RYR2: variants seen among roughly 807,000 people sequenced by gnomAD.
The protein encoded by RYR2 is ryanodine receptor 2, also known as cardiac muscle ryanodine receptor-calcium release channel.
RYR2 carries 227 observed loss-of-function variants against 601.1 expected under a neutral mutation model. The observed-to-expected ratio is 0.38, with a 90% CI of 0.34 to 0.42. The LOEUF (loss-of-function observed/expected upper bound fraction) is 0.42. Ranked by LOEUF, RYR2 falls within the 10% of genes least tolerant of loss-of-function variation. RYR2 has a pLI of 1.00. For synonymous variants in RYR2, 2,223 were observed against 2,175.1 expected, an observed-to-expected ratio of 1.02 and a Z score of -0.61; for missense variants, 4,646 against 6,156.5, an observed-to-expected ratio of 0.75 and a Z score of 8.21.
At chr1:237,472,779 C>T (rs866104348) in intron 17 of RYR2, among the ~76,000 whole-genome samples, 12 of 151,680 alleles carry the variant, frequency 7.9e-5, no homozygotes, top group Admixed American at 1.3e-4. Flanking sequence ...TGTCTTTGCA[C>T]GCATAGGCTG....
At chr1:237,481,334 C>T (rs1662070049) in intron 17 of RYR2, among the ~76,000 whole-genome samples, 1 of 151,974 alleles carries the variant, frequency 6.6e-6, no homozygotes, top group Admixed American at 6.6e-5. Flanking sequence ...TATATTGAGA[C>T]TCAAATGATT....
intron 16 of RYR2, among the ~76,000 whole-genome samples, chr1:237,459,145 C>T (rs1200436019): frequency 1.3e-5 from 2 of 152,224 alleles, no homozygotes; most frequent in Admixed American, 1.3e-4. Flanking sequence ...CATAATATAG[C>T]AGAGACTAAA....
rs531376148 is a variant in RYR2, at chr1:237,792,421, G to A, written c.13782+98G>A. On this transcript the variant is annotated intron_variant, in intron 94 of 104. Transcript: ENST00000366574. ...TGCGTGTGTGTGTGTGTGTGTGTGT[G>A]TGTTTTGCAGGCTGGACTTCTGGGG... The A allele has an allele frequency of 6.1e-4, 461 of 750,138 alleles. 1 individual carries two copies. The African/African-American group carries it at 7.4e-3, about 12-fold the overall frequency. 46.5% of individuals were successfully genotyped at this position (750,138 alleles called of 1,614,324 possible). A position where few individuals can be genotyped will look rare whatever the true frequency, so the allele number is the denominator to read the frequency against.
chr1:237,266,210 C>T (rs368620699), intron 1 of RYR2, among the ~76,000 whole-genome samples: 11 of 152,250 alleles, frequency 7.2e-5, no homozygotes, highest in East Asian at 3.9e-4. Flanking sequence ...CGGAAGAGGC[C>T]TTATGACCCA....
intron 2 of RYR2, among the ~76,000 whole-genome samples, chr1:237,279,390 A>C (rs1444724721): frequency 1.3e-5 from 2 of 152,238 alleles, no homozygotes; most frequent in Non-Finnish European, 2.9e-5. Flanking sequence ...TACTTAAAAA[A>C]TAATTAATAT....
chr1:237,569,080 G>A, intron 28 of RYR2, 65 bp from the exon 29 acceptor site: 1 of 1,475,854 alleles, frequency 6.8e-7, no homozygotes, highest in East Asian at 2.3e-5. Flanking sequence ...TCGTGACAGA[G>A]TGGTGGGTGG....
chr1:237,193,605 A>C (rs555070466), intron 1 of RYR2, among the ~76,000 whole-genome samples: 5 of 152,220 alleles, frequency 3.3e-5, no homozygotes, highest in Non-Finnish European at 7.4e-5. Flanking sequence ...AGCACTAAGC[A>C]TTGAATACTG....
chr1:237,169,743 G>A (rs551302906), intron 1 of RYR2, among the ~76,000 whole-genome samples: 10 of 152,170 alleles, frequency 6.6e-5, no homozygotes, highest in Admixed American at 1.3e-4. Flanking sequence ...CTTGCTTGGC[G>A]CTCTAGAAAT....
At chr1:237,504,400 C>G (rs1034959776) in intron 22 of RYR2, among the ~76,000 whole-genome samples, 6 of 152,068 alleles carry the variant, frequency 3.9e-5, no homozygotes, top group African/African-American at 1.4e-4. Flanking sequence ...TACAAAGAAC[C>G]TTCTTAAGGG....
At position 237,099,545 on chromosome 1, in the gene RYR2, A is replaced by C. The variant is rs533862570; in HGVS notation, c.48+56976A>C. On this transcript the variant is annotated intron_variant, in intron 1 of 104. Transcript: ENST00000366574. Reference sequence around the variant, plus strand: ...GAGCCACTGTACCCAGCCTCTCAATAGCCTCTTTGACAGCTCTTTGCCATT... The same window carrying C: ...GAGCCACTGTACCCAGCCTCTCAATCGCCTCTTTGACAGCTCTTTGCCATT... Among the ~76,000 whole-genome samples the C allele has an allele frequency of 3.9e-5, 6 of 152,262 alleles. No individual in the cohort carries two copies. In the South Asian group the frequency reaches 1.2e-3, roughly 32 times the overall value.
intron 8 of RYR2, among the ~76,000 whole-genome samples, chr1:237,384,273 T>G: frequency 6.6e-6 from 1 of 152,210 alleles, no homozygotes; most frequent in East Asian, 1.9e-4. Context: ...ATTTGGAAAT[T>G]GCCTTTTTAA....
rs1176291765 is a variant in RYR2, at chr1:237,806,252, T to A, written c.14267T>A (p.Ile4756Asn). Reference protein sequence around the residue: ...IAMGFKTLRTILSSVTHNGKQ... With the variant: ...IAMGFKTLRTNLSSVTHNGKQ... ...ATGGGATTCAAGACATTAAGAACCA[T>A]CTTGTCCTCAGTAACTCACAATGGC... The change falls in exon 99 of 105, where the codon ATC (isoleucine) becomes AAC (asparagine). Residue 4756 changes from isoleucine (I) to asparagine (N), a missense_variant. This residue lies in a region of RYR2 where 8 missense variants were observed against 45.1 expected (regional missense o/e 0.18). Coordinates refer to ENST00000366574, the MANE Select transcript of RYR2 (RefSeq NM_001035.3). The A allele has an allele frequency of 6.2e-7, 1 of 1,613,742 alleles. No individual in the cohort carries two copies. The highest frequency in any genetic ancestry group is 8.5e-7 in the Non-Finnish European group (1 of 1,179,668).
intron 20 of RYR2, 30 bp from the exon 21 acceptor site, chr1:237,500,681 T>G: frequency 1.4e-5 from 21 of 1,536,704 alleles, no homozygotes; most frequent in Non-Finnish European, 1.8e-5. Flanking sequence ...AAAAAATACA[T>G]GACCTTCCTT....
intron 10 of RYR2, among the ~76,000 whole-genome samples, chr1:237,401,426 CT>C (rs1176250163): frequency 6.7e-6 from 1 of 149,604 alleles, no homozygotes; most frequent in Admixed American, 6.6e-5. Context: ...CCCATAATCC[CT>C]TTAGATTCAA....
chr1:237,102,449 C>G (rs963176465), intron 1 of RYR2, among the ~76,000 whole-genome samples: 1 of 152,214 alleles, frequency 6.6e-6, no homozygotes, highest in African/African-American at 2.4e-5. Flanking sequence ...CTTACACTTA[C>G]TGCTCATTTA....
intron 41 of RYR2, among the ~76,000 whole-genome samples, chr1:237,630,259 C>T (rs1183199762): frequency 6.6e-6 from 1 of 151,972 alleles, no homozygotes; most frequent in Non-Finnish European, 1.5e-5. Flanking sequence ...TTTAATTTAC[C>T]TAAAACTAAA....
rs985393050 is a variant in RYR2, at chr1:237,639,192, G to A, written c.7106G>A (p.Ser2369Asn). The A allele has an allele frequency of 1.9e-6, 3 of 1,612,082 alleles. No homozygotes were observed. The highest frequency in any genetic ancestry group is 2.7e-5 in the African/African-American group (2 of 74,894). ...RDGPSPNSGS[S>N]KTLDTEEEED... ...GGTCCCTCACCAAATAGCGGATCCA[G>A]TAAAACACTGTAGGTCTAATATACA... The change falls in exon 46 of 105, where the codon AGT (serine) becomes AAT (asparagine). Residue 2369 changes from serine to asparagine, a missense_variant. By Grantham distance (46) the Ser-to-Asn change is conservative. This residue lies in a region of RYR2 where 1,497 missense variants were observed against 1,842.6 expected (regional missense o/e 0.81). Transcript: ENST00000366574.
At chr1:237,534,172 C>T (rs1397065708) in intron 25 of RYR2, among the ~76,000 whole-genome samples, 1 of 151,942 alleles carries the variant, frequency 6.6e-6, no homozygotes, top group East Asian at 1.9e-4. Flanking sequence ...AACTGATGTA[C>T]TCTCCTTTTA....
intron 58 of RYR2, among the ~76,000 whole-genome samples, chr1:237,670,332 A>AC (rs1318547069): frequency 1.1e-5 from 1 of 92,488 alleles, no homozygotes; most frequent in South Asian, 4.2e-4. Flanking sequence ...GGAGAGGGAG[A>AC]GGGAGACGGG....
Sources: gnomAD v4.1 joint callset for allele counts (sites outside exome capture counted in the v4.1 genomes callset) on GRCh38, gnomAD v4.1.1 for gene constraint, gnomAD v4.1.1 regional missense constraint, MANE v1.5 for transcripts, NCBI Gene and HGNC (gene_info 2026-07-23, HGNC 2026-07-21) for gene names.